Variants in SPOCK3 observed in about 807,000 individuals in gnomAD.
SPOCK3 encodes the protein SPARC (osteonectin), cwcv and kazal like domains proteoglycan 3.
SPOCK3 carries 30 observed loss-of-function variants against 56.6 expected under a neutral mutation model. The ratio of observed to expected loss-of-function variants is 0.53; its 90% CI spans 0.40 to 0.72. The LOEUF is 0.72. Ranked by LOEUF, SPOCK3 falls within the 30% of genes least tolerant of loss-of-function variation. The pLI is 0.00. For synonymous variants in SPOCK3, 196 were observed against 183.3 expected (o/e 1.07, Z -0.56); for missense variants, 527 against 530.0 (o/e 0.99, Z 0.06).
intron 5 of SPOCK3, among the ~76,000 whole-genome samples, chr4:166,896,676 C>T (rs535052767): frequency 6.6e-6 from 1 of 152,292 alleles, no homozygotes; most frequent in South Asian, 2.1e-4. Context: ...TCCAATGTGT[C>T]AACATTCTTT....
chr4:167,137,525 T>G (rs1255650007), intron 2 of SPOCK3, among the ~76,000 whole-genome samples: 1 of 152,008 alleles, frequency 6.6e-6, no homozygotes, highest in Non-Finnish European at 1.5e-5. Context: ...AATTTGATTT[T>G]TCCATATATG....
intron 2 of SPOCK3, among the ~76,000 whole-genome samples, chr4:167,169,217 G>A (rs577484500): frequency 6.6e-6 from 1 of 152,304 alleles, no homozygotes. Flanking sequence ...GTGAGAAGAT[G>A]GCCACTATCC....
intron 5 of SPOCK3, among the ~76,000 whole-genome samples, chr4:166,909,905 A>G (rs2127088811): frequency 6.6e-6 from 1 of 152,314 alleles, no homozygotes; most frequent in African/African-American, 2.4e-5. Flanking sequence ...ACATAATAAA[A>G]TGACATTTAC....
chr4:166,909,477 C>T lies in SPOCK3; in HGVS notation c.474+3143G>A, dbSNP rs1008045102. ...AAATAAGCTGAAAGTAATGAACAAA[C>T]ATTGTGGGTCTAAAATAGAACTTGT... On this transcript the variant is annotated intron_variant, in intron 5 of 10. Transcript: ENST00000357545. 5.3e-5 allele frequency among the ~76,000 whole-genome samples: 8 copies of T among 151,878 alleles called. No homozygotes were observed. In the East Asian group the frequency reaches 7.7e-4, roughly 15 times the overall value.
At chr4:166,843,721 A>C (rs901091455) in intron 6 of SPOCK3, among the ~76,000 whole-genome samples, 5 of 152,166 alleles carry the variant, frequency 3.3e-5, no homozygotes, top group Non-Finnish European at 7.3e-5. Context: ...TGATGTACTA[A>C]ATGCAAGTTG....
At chr4:167,219,385 T>G (rs555397153) in intron 2 of SPOCK3, among the ~76,000 whole-genome samples, 1 of 152,322 alleles carries the variant, frequency 6.6e-6, no homozygotes, top group African/African-American at 2.4e-5. Context: ...GTAAATATTT[T>G]GAAAGTCACA....
At chr4:166,792,084 G>A in intron 7 of SPOCK3, 86 bp downstream of exon 7, 1 of 1,473,596 alleles carries the variant, frequency 6.8e-7, no homozygotes, top group Non-Finnish European at 9.4e-7. Flanking sequence ...AATAAATACT[G>A]AAATATGTGT....
chr4:166,889,636 G>A (rs950958594), intron 5 of SPOCK3, among the ~76,000 whole-genome samples: 1 of 151,926 alleles, frequency 6.6e-6, no homozygotes, highest in Admixed American at 6.6e-5. Flanking sequence ...GGTTACTTAA[G>A]TAAGCATGTC....
In SPOCK3 at chr4:167,005,455, C is replaced by T. The variant is rs376767418; in HGVS notation, c.236-4992G>A. On this transcript the variant is annotated intron_variant, in intron 3 of 10. Coordinates refer to ENST00000357545, the MANE Select transcript of SPOCK3 (RefSeq NM_001040159.2). ...GTCTCGATCCCCTGACCTCGTGATC[C>T]GCCCGCCTCGGCCTCCCAAAGGCCT... 6.5e-4 allele frequency among the ~76,000 whole-genome samples: 99 copies of T among 152,028 alleles called. 1 individual carries two copies. The East Asian group carries it at 0.016, about 25-fold the overall frequency.
At chr4:167,116,022 A>C (rs1761297960) in intron 2 of SPOCK3, among the ~76,000 whole-genome samples, 1 of 152,056 alleles carries the variant, frequency 6.6e-6, no homozygotes, top group Non-Finnish European at 1.5e-5. Context: ...AAATTCAGTA[A>C]GCAATAAAGA....
intron 4 of SPOCK3, among the ~76,000 whole-genome samples, chr4:166,941,722 C>T (rs1741087492): frequency 6.6e-6 from 1 of 152,186 alleles, no homozygotes; most frequent in African/African-American, 2.4e-5. Flanking sequence ...TTCTCACTTT[C>T]TCTTGCTCTC....
At chr4:167,223,090 A>G (rs1736192579) in intron 2 of SPOCK3, among the ~76,000 whole-genome samples, 1 of 113,248 alleles carries the variant, frequency 8.8e-6, no homozygotes, top group Non-Finnish European at 1.7e-5. Context: ...ATATGAATAT[A>G]TATTTTATAT....
intron 3 of SPOCK3, among the ~76,000 whole-genome samples, chr4:167,001,257 C>T (rs983922777): frequency 2.6e-5 from 4 of 152,088 alleles, no homozygotes; most frequent in East Asian, 1.9e-4. Flanking sequence ...CCAAACATAT[C>T]GTCTTGTTAT....
chr4:167,179,762 G>C (rs1175233857), intron 2 of SPOCK3, among the ~76,000 whole-genome samples: 2 of 152,138 alleles, frequency 1.3e-5, no homozygotes, highest in African/African-American at 4.8e-5. Context: ...AGAGGCAGGG[G>C]TCTCAGCTAT....
chr4:167,208,148 A>G (rs1734531226), intron 2 of SPOCK3, among the ~76,000 whole-genome samples: 1 of 152,098 alleles, frequency 6.6e-6, no homozygotes, highest in South Asian at 2.1e-4. Context: ...TTCCAACTGA[A>G]AAGATGAAGG....
chr4:166,838,974 C>A (rs1407900862), intron 6 of SPOCK3, among the ~76,000 whole-genome samples: 1 of 151,226 alleles, frequency 6.6e-6, no homozygotes, highest in Non-Finnish European at 1.5e-5. Flanking sequence ...AAAAAAAAAT[C>A]TTTGTCATAT....
At chr4:166,946,315 C>T (rs965843122) in intron 4 of SPOCK3, among the ~76,000 whole-genome samples, 18 of 152,162 alleles carry the variant, frequency 1.2e-4, no homozygotes, top group Non-Finnish European at 2.5e-4. Flanking sequence ...TAAAAGCCAA[C>T]GGCCTTACAA....
chr4:167,145,064 T>A (rs996098109), intron 2 of SPOCK3, among the ~76,000 whole-genome samples: 2 of 152,054 alleles, frequency 1.3e-5, no homozygotes, highest in Admixed American at 6.6e-5. Flanking sequence ...AGATACATGA[T>A]AATATATCCA....
intron 6 of SPOCK3, among the ~76,000 whole-genome samples, chr4:166,873,954 A>G (rs763187251): frequency 1.3e-5 from 2 of 152,140 alleles, no homozygotes; most frequent in African/African-American, 4.8e-5. Flanking sequence ...GTTAAGAACA[A>G]TTTCCCAAGT....
Sources: allele counts gnomAD v4.1 joint callset (sites outside exome capture counted in the v4.1 genomes callset), GRCh38; gene constraint gnomAD v4.1.1; transcripts MANE v1.5; gene names NCBI Gene and HGNC (gene_info 2026-07-23, HGNC 2026-07-21).